Variants in RBFOX3 observed in about 807,000 individuals in gnomAD.
RBFOX3 encodes RNA binding fox-1 homolog 3, also known as RNA binding protein fox-1 homolog 3.
In RBFOX3, 17 loss-of-function variants were observed where a neutral mutation model predicts 48.7. The ratio of observed to expected loss-of-function variants is 0.35; its 90% CI spans 0.24 to 0.52. The LOEUF (loss-of-function observed/expected upper bound fraction) is 0.52, where lower values mean the gene tolerates loss of function less well. Among genes scored for constraint, RBFOX3 ranks in the 20% least tolerant of loss-of-function variants. The pLI, the probability that RBFOX3 is intolerant of heterozygous loss-of-function variation, is 0.94. For missense variants in RBFOX3, 382 were observed against 497.5 expected (o/e 0.77, Z 2.21); for synonymous variants, 212 against 209.5 (o/e 1.01, Z -0.10).
intron 3 of RBFOX3, among the ~76,000 whole-genome samples, chr17:79,290,327 T>A (rs2072997552): frequency 6.6e-6 from 1 of 152,112 alleles, no homozygotes; most frequent in South Asian, 2.1e-4. Flanking sequence ...GTGAGCCAGC[T>A]GGGTTGGAGT....
Position 79,220,835 on chromosome 17 carries a change from C to T in RBFOX3, c.-34+14931G>A, listed in dbSNP as rs1017744205. 1.3e-5 allele frequency among the ~76,000 whole-genome samples: 2 copies of T among 152,012 alleles called. No homozygotes were observed. Among genetic ancestry groups the T allele is most frequent in the East Asian group, 1.9e-4 (1 of 5,174 alleles). On this transcript the variant is annotated intron_variant, in intron 4 of 14. Transcript: ENST00000693108. The surrounding 1 kb of genome is among the most constrained non-coding windows in gnomAD (Gnocchi z 5.9). ...AGAAGCAGCTCCTGCAGAGGCGGGG[C>T]GGCTCTCCAGGCCTGGAGCGTGGGC...
At chr17:79,350,058 C>T (rs77359506) in intron 2 of RBFOX3, among the ~76,000 whole-genome samples, 1,668 of 152,280 alleles carry the variant, frequency 0.011, 26 homozygotes, top group African/African-American at 0.038. Context: ...GATCCATTCC[C>T]GCCCCACCTG....
At chr17:79,555,157 A>G (rs2091523736) in intron 1 of RBFOX3, among the ~76,000 whole-genome samples, 1 of 152,238 alleles carries the variant, frequency 6.6e-6, no homozygotes, top group Admixed American at 6.5e-5. Context: ...GGAGAAGAGT[A>G]TCCATATCCC....
the RBFOX3 span, among the ~76,000 whole-genome samples, chr17:79,654,615 T>C: frequency 6.6e-6 from 1 of 152,162 alleles, no homozygotes; most frequent in Non-Finnish European, 1.5e-5. Flanking sequence ...GGAGTCCCTA[T>C]TAAGGAGCTC....
At chr17:79,408,211 C>A (rs1231752752) in intron 2 of RBFOX3, among the ~76,000 whole-genome samples, 4 of 152,308 alleles carry the variant, frequency 2.6e-5, no homozygotes, top group Non-Finnish European at 5.9e-5. Flanking sequence ...CAGACACACA[C>A]TCGATGGCTG....
chr17:79,548,539 T>A (rs1318391871), intron 1 of RBFOX3, among the ~76,000 whole-genome samples: 1 of 152,182 alleles, frequency 6.6e-6, no homozygotes, highest in Non-Finnish European at 1.5e-5. Context: ...TGGTATGAAC[T>A]AAGAGGCTGT....
intron 3 of RBFOX3, among the ~76,000 whole-genome samples, chr17:79,264,468 T>C (rs934733608): frequency 2.0e-5 from 3 of 151,788 alleles, no homozygotes; most frequent in African/African-American, 7.3e-5. Context: ...GCCTCCCAAG[T>C]TGGTAGGATT....
At chr17:79,206,528 G>T (rs2057508487) in intron 4 of RBFOX3, among the ~76,000 whole-genome samples, 1 of 144,178 alleles carries the variant, frequency 6.9e-6, no homozygotes, top group Non-Finnish European at 1.5e-5. Flanking sequence ...TAGTACAGGG[G>T]TGCAAGAAGT....
rs12452361 is a variant in RBFOX3 at position 79,213,732 on chromosome 17, C to T, written c.-34+22034G>A. ...GGCACCGCCAACAAATGTTGACCAG[C>T]TGATAGCTAAAATCTCTCCTCCTCT... On this transcript the variant is annotated intron_variant, in intron 4 of 14. Transcript: ENST00000693108. Among the ~76,000 whole-genome samples the T allele has an allele frequency of 2.2e-3, 336 of 152,352 alleles. 9 individuals carry two copies. Among genetic ancestry groups the T allele is most frequent in the Admixed American group, 0.016 (249 of 15,308 alleles).
At chr17:79,487,480 A>T (rs1362771246) in intron 1 of RBFOX3, among the ~76,000 whole-genome samples, 2 of 152,192 alleles carry the variant, frequency 1.3e-5, no homozygotes, top group African/African-American at 4.8e-5. Flanking sequence ...GCCTGGCCGA[A>T]TCACCATCAT....
intron 3 of RBFOX3, among the ~76,000 whole-genome samples, chr17:79,272,935 G>A (rs2068003533): frequency 6.6e-6 from 1 of 151,952 alleles, no homozygotes; most frequent in Admixed American, 6.5e-5. Context: ...CCCAGTACCA[G>A]GAGCCTCCGA....
intron 1 of RBFOX3, among the ~76,000 whole-genome samples, chr17:79,553,865 T>C (rs1886572697): frequency 6.6e-6 from 1 of 152,246 alleles, no homozygotes; most frequent in East Asian, 1.9e-4. Flanking sequence ...CCCAAGTAGC[T>C]GGGATTATAG....
At chr17:79,323,306 T>A (rs1327559487) in intron 2 of RBFOX3, among the ~76,000 whole-genome samples, 1 of 151,964 alleles carries the variant, frequency 6.6e-6, no homozygotes, top group Non-Finnish European at 1.5e-5. Context: ...GTCTGGAGAG[T>A]TTATTTCCAG....
chr17:79,103,944 T>TACAAGC lies in RBFOX3; in HGVS notation c.414+123_414+128dup, dbSNP rs1251828304. Reference sequence around the variant, plus strand: ...CGGGTGGGGGCGGAAGAGCGGGGAATACAAGCACCCGTGTCGCTCAGGGGT... The same window carrying TACAAGC: ...CGGGTGGGGGCGGAAGAGCGGGGAATACAAGCACAAGCACCCGTGTCGCTCAGGGGT... On this transcript the variant is annotated intron_variant, in intron 7 of 14. Transcript: ENST00000693108. The surrounding 1 kb of genome is among the most constrained non-coding windows in gnomAD (Gnocchi z 6.1). The TACAAGC allele has an allele frequency of 1.7e-5, 13 of 747,064 alleles. No homozygotes were observed. Among genetic ancestry groups the TACAAGC allele is most frequent in the Non-Finnish European group, 3.0e-5 (13 of 435,180 alleles). The allele number at this position is 747,064 out of a possible 1,614,324, so 46.3% of individuals were successfully genotyped here.
chr17:79,145,409 G>A (rs758969570), intron 4 of RBFOX3, among the ~76,000 whole-genome samples: 4 of 152,228 alleles, frequency 2.6e-5, no homozygotes, highest in Non-Finnish European at 5.9e-5. Context: ...GCCCTCCCTG[G>A]AGAGGGTCTG....
rs1008175108 is a variant in RBFOX3, at chr17:79,500,477, G to A, written c.-319-17879C>T. Among the ~76,000 whole-genome samples, 1,105 of 152,040 alleles carry A rather than the reference G, an allele frequency of 7.3e-3. 10 individuals carry two copies. The highest frequency in any genetic ancestry group is 0.026 in the African/African-American group (1,064 of 41,470). On this transcript the variant is annotated intron_variant, in intron 1 of 14. Coordinates refer to ENST00000693108, the MANE Select transcript of RBFOX3 (RefSeq NM_001350451.2). ...TCTCCATGTTGGCCAGGCTGGTCTC[G>A]AACTCCTGACCTCAGGTGATCCTCC...
At chr17:79,314,537 C>T (rs1023893053) in intron 2 of RBFOX3, among the ~76,000 whole-genome samples, 3 of 152,192 alleles carry the variant, frequency 2.0e-5, no homozygotes, top group Non-Finnish European at 4.4e-5. Flanking sequence ...ACTCGGCATT[C>T]TCTGAAATAG....
chr17:79,533,491 G>A (rs2088183627), intron 1 of RBFOX3, among the ~76,000 whole-genome samples: 2 of 152,268 alleles, frequency 1.3e-5, no homozygotes, highest in Admixed American at 6.5e-5. Flanking sequence ...TGGCATGACT[G>A]TTTCTTTCTC....
intron 3 of RBFOX3, among the ~76,000 whole-genome samples, chr17:79,293,443 CCTTCCTTCCTTCCTTCCTT>C (rs2073774197): frequency 2.5e-5 from 2 of 80,180 alleles, no homozygotes; most frequent in African/African-American, 1.2e-4. Context: ...TTCCTTCCTT[CCTTCCTTCCTTCCTTCCTT>C]CCTTCCCTTC....
Sources: allele counts gnomAD v4.1 joint callset (sites outside exome capture counted in the v4.1 genomes callset), GRCh38; gene constraint gnomAD v4.1.1; non-coding constraint Gnocchi (gnomAD v3.1); transcripts MANE v1.5; gene names NCBI Gene and HGNC (gene_info 2026-07-23, HGNC 2026-07-21).